CLTCL1: variants seen among roughly 807,000 people sequenced by gnomAD.
CLTCL1 encodes clathrin heavy chain 2.
In CLTCL1, 159 loss-of-function variants were observed where a neutral mutation model predicts 190.0. The ratio of observed to expected loss-of-function variants is 0.84; its 90% CI spans 0.74 to 0.95. The LOEUF is 0.95. Ranked by LOEUF, CLTCL1 falls within the 40% of genes least tolerant of loss-of-function variation. The pLI is 0.00. For synonymous variants in CLTCL1, 752 were observed against 769.6 expected, an observed-to-expected ratio of 0.98 and a Z score of 0.38; for missense variants, 1,878 against 2,033.4, an observed-to-expected ratio of 0.92 and a Z score of 1.47.
chr22:19,227,385 C>T (rs1231664867), intron 11 of CLTCL1, among the ~76,000 whole-genome samples: 1 of 149,210 alleles, frequency 6.7e-6, no homozygotes, highest in African/African-American at 2.5e-5. Flanking sequence ...CAGGCTCAAG[C>T]AATCCTCCCA....
intron 2 of CLTCL1, chr22:19,258,140 AAGG>A (rs2086825294): frequency 2.7e-6 from 1 of 375,886 alleles, no homozygotes; most frequent in Non-Finnish European, 5.2e-6. Context: ...TGAGACTCTC[AAGG>A]AGAAGCTGTT....
chr22:19,262,239 G>T (rs1215371100), intron 2 of CLTCL1, among the ~76,000 whole-genome samples: 1 of 151,494 alleles, frequency 6.6e-6, no homozygotes, highest in East Asian at 2.0e-4. Flanking sequence ...TGTTGGCCAG[G>T]ATGGTCTCGA....
intron 2 of CLTCL1, among the ~76,000 whole-genome samples, chr22:19,267,848 T>C (rs2087170213): frequency 1.3e-5 from 2 of 151,710 alleles, no homozygotes; most frequent in African/African-American, 4.8e-5. Context: ...TGAGCCAAGA[T>C]TGCGCCCCTG....
intron 3 of CLTCL1, among the ~76,000 whole-genome samples, chr22:19,253,069 A>T (rs1464587697): frequency 6.6e-6 from 1 of 152,206 alleles, no homozygotes; most frequent in African/African-American, 2.4e-5. Context: ...GTATAATAGA[A>T]TATGAGTTAG....
intron 4 of CLTCL1, 137 bp downstream of exon 4, chr22:19,242,638 G>A (rs915466299): frequency 3.6e-5 from 35 of 965,348 alleles, no homozygotes; most frequent in African/African-American, 4.9e-5. Context: ...TGTGCATCAC[G>A]GTGCACAGTT....
In CLTCL1 at chr22:19,201,530, C is replaced by T. The variant is rs782707481; in HGVS notation, c.3601-37G>A. 5.1e-6 allele frequency: 8 copies of T among 1,564,322 alleles called. No homozygotes were observed. The South Asian group carries it at 8.0e-5, about 16-fold the overall frequency. On this transcript the variant is annotated intron_variant, in intron 22 of 32. Coordinates refer to ENST00000427926, the MANE Select transcript of CLTCL1 (RefSeq NM_007098.4). ...AGGGTAGCTCGACTGAGACACTCTTCAATGGGAAGATTTCTCCAGAGTTGC... is the reference window on the plus strand; with the variant it reads ...AGGGTAGCTCGACTGAGACACTCTTTAATGGGAAGATTTCTCCAGAGTTGC...
intron 18 of CLTCL1, 84 bp from the exon 19 acceptor site, chr22:19,216,340 C>T (rs1480954612): frequency 4.5e-6 from 6 of 1,326,902 alleles, no homozygotes; most frequent in African/African-American, 2.9e-5. Flanking sequence ...GGAAGGACTC[C>T]TCCAAGATGG....
At position 19,234,569 on chromosome 22, in the gene CLTCL1, A is replaced by G; in HGVS notation, c.1107T>C (p.Asn369=). The change falls in exon 7 of 33, where the codon AAT becomes AAC. Residue 369 remains asparagine (N), a synonymous_variant. Transcript: ENST00000427926. ...CATAGCTGCCCTGTGCAAAGAGGGT[A>G]TTGAATTTTCTCACAAACAACTTCT... ...GAEKLFVRKF[N]TLFAQGSYAE... 1 of 1,614,028 alleles carries G rather than the reference A, an allele frequency of 6.2e-7. No individual in the cohort carries two copies.
In CLTCL1 at chr22:19,198,482, G is replaced by A. The variant is rs979114513; in HGVS notation, c.3873+1252C>T. Among the ~76,000 whole-genome samples the A allele has an allele frequency of 2.6e-5, 4 of 152,098 alleles. No individual in the cohort carries two copies. The highest frequency in any genetic ancestry group is 1.3e-4 in the Admixed American group (2 of 15,262). ...CTAACGGCCTGAGATCTGGCCCTCC[G>A]TCAGCCTCTCTGCCCCATCTCTGGC... On this transcript the variant is annotated intron_variant, in intron 24 of 32. Coordinates refer to ENST00000427926, the MANE Select transcript of CLTCL1 (RefSeq NM_007098.4). This position sits in a 1 kb window ranked among gnomAD's most constrained non-coding sequence, Gnocchi z 4.1.
At position 19,235,751 on chromosome 22, in the gene CLTCL1, A is replaced by G. The variant is rs556526468; in HGVS notation, c.914T>C (p.Val305Ala). The stretch of plus-strand genomic sequence containing the variant: ...AGAGGTTGGTTTGTGTGGAGCAGTG[A>G]CAAATATTGTGTCAGCACTAATACG... The part of the protein sequence containing the change: ...MNRISADTIF[V>A]TAPHKPTSGI... The change falls in exon 6 of 33, where the codon GTC becomes GCC. Residue 305 changes from valine to alanine, a missense_variant. Val to Ala is a moderately conservative substitution (Grantham distance 64). Coordinates refer to ENST00000427926, the MANE Select transcript of CLTCL1 (RefSeq NM_007098.4). The G allele has an allele frequency of 1.1e-5, 18 of 1,613,884 alleles. No individual in the cohort carries two copies. Among genetic ancestry groups the G allele is most frequent in the Non-Finnish European group, 1.5e-5 (18 of 1,179,902 alleles).
chr22:19,277,866 T>C (rs2087571526), intron 1 of CLTCL1, among the ~76,000 whole-genome samples: 1 of 152,196 alleles, frequency 6.6e-6, no homozygotes, highest in Non-Finnish European at 1.5e-5. Flanking sequence ...TAAGACTGAC[T>C]ACACTTCAGA....
Position 19,223,889 on chromosome 22 carries a change from A to G in CLTCL1, c.2292+2T>C, listed in dbSNP as rs782370793. 2.5e-6 allele frequency: 4 copies of G among 1,613,306 alleles called. No individual in the cohort carries two copies. The highest frequency in any genetic ancestry group is 3.4e-6 in the Non-Finnish European group (4 of 1,179,824). Reference sequence around the variant, plus strand: ...ATGGAAGGAGGCAGCACTGGAACACACCTTCAGGAAGTTCTTCACACGCTC... The same window carrying G: ...ATGGAAGGAGGCAGCACTGGAACACGCCTTCAGGAAGTTCTTCACACGCTC... On this transcript the variant is annotated splice_donor_variant, in intron 14 of 32. Coordinates refer to ENST00000427926, the MANE Select transcript of CLTCL1 (RefSeq NM_007098.4). LOFTEE classifies it high-confidence loss of function.
Position 19,222,101 on chromosome 22 carries a change from A to C in CLTCL1, c.2419-8T>G. 1.2e-6 allele frequency: 2 copies of C among 1,612,938 alleles called. No homozygotes were observed. Among genetic ancestry groups the C allele is most frequent in the Non-Finnish European group, 1.7e-6 (2 of 1,179,450 alleles). On this transcript the variant is annotated splice_region_variant and splice_polypyrimidine_tract_variant and intron_variant, in intron 15 of 32. Coordinates refer to ENST00000427926, the MANE Select transcript of CLTCL1 (RefSeq NM_007098.4). Reference sequence around the variant, plus strand: ...GGTCCGGCTAGGGTTGACCTAGGGTAGTCAAGGTCAAGTAACTTCAGTGTT... The same window carrying C: ...GGTCCGGCTAGGGTTGACCTAGGGTCGTCAAGGTCAAGTAACTTCAGTGTT...
In CLTCL1 at chr22:19,192,063, CT is replaced by C. The variant is rs782761355; in HGVS notation, c.4192-629del. On this transcript the variant is annotated intron_variant, in intron 26 of 32. Coordinates refer to ENST00000427926, the MANE Select transcript of CLTCL1 (RefSeq NM_007098.4). ...CCATTCTCTTGCTGGGCGATGTCAT[CT>C]TTTTTTTTTTTTTTTTTTTGAGACG... Among the ~76,000 whole-genome samples the C allele has an allele frequency of 3.4e-3, 401 of 118,284 alleles. 2 individuals carry two copies. The highest frequency in any genetic ancestry group is 0.011 in the African/African-American group (336 of 31,176). 77.6% of individuals were successfully genotyped at this position (118,284 alleles called of 152,430 possible).
At chr22:19,289,684 G>A (rs2088037970) in intron 1 of CLTCL1, among the ~76,000 whole-genome samples, 1 of 152,166 alleles carries the variant, frequency 6.6e-6, no homozygotes, top group South Asian at 2.1e-4. Flanking sequence ...ATACAGGAAA[G>A]GGAGGCTATG....
At chr22:19,212,604 G>A (rs12484555) in intron 19 of CLTCL1, among the ~76,000 whole-genome samples, 4,578 of 126,852 alleles carry the variant, frequency 0.036, 113 homozygotes, top group Admixed American at 0.081. Context: ...AGAAAGAAAG[G>A]AAGGAAGGAA....
intron 20 of CLTCL1, among the ~76,000 whole-genome samples, chr22:19,209,734 C>T (rs904568269): frequency 1.2e-4 from 18 of 152,162 alleles, no homozygotes; most frequent in African/African-American, 4.3e-4. Flanking sequence ...ATTGGTAGGA[C>T]AGCAGTTCAG....
intron 31 of CLTCL1, 100 bp downstream of exon 31, chr22:19,180,631 T>C (rs1601412517): frequency 1.7e-6 from 2 of 1,172,036 alleles, no homozygotes. Context: ...CACCCATCTA[T>C]TCCCATCCCC....
chr22:19,188,664 T>C (rs1240622581), intron 27 of CLTCL1, among the ~76,000 whole-genome samples: 3 of 150,218 alleles, frequency 2.0e-5, no homozygotes, highest in African/African-American at 7.4e-5. Context: ...CACACTGGAG[T>C]GCAGTGCCGT....
Sources: allele counts gnomAD v4.1 joint callset (sites outside exome capture counted in the v4.1 genomes callset), GRCh38; gene constraint gnomAD v4.1.1; non-coding constraint Gnocchi (gnomAD v3.1); transcripts MANE v1.5; gene names NCBI Gene and HGNC (gene_info 2026-07-23, HGNC 2026-07-21).